PRPSAP1: variants seen among roughly 807,000 people sequenced by gnomAD.
PRPSAP1 encodes the protein phosphoribosyl pyrophosphate synthetase associated protein 1, also known as phosphoribosyl pyrophosphate synthase-associated protein 1.
In PRPSAP1, 31 loss-of-function variants were observed where a neutral mutation model predicts 39.4. The observed-to-expected ratio is 0.79, with a 90% CI of 0.59 to 1.06. PRPSAP1 has a LOEUF of 1.06. PRPSAP1 is among the 50% of genes least tolerant of loss of function. PRPSAP1 has a pLI of 0.00. For synonymous variants in PRPSAP1, 212 were observed against 192.6 expected, an observed-to-expected ratio of 1.10 and a Z score of -0.83; for missense variants, 430 against 511.6, an observed-to-expected ratio of 0.84 and a Z score of 1.54.
chr17:76,329,074 ATTTTT>A (rs147960025), intron 6 of PRPSAP1: 2 of 360,828 alleles, frequency 5.5e-6, no homozygotes, highest in Non-Finnish European at 9.5e-6. Flanking sequence ...GATTCTAGAC[ATTTTT>A]TTTTTTTTTT....
intron 7 of PRPSAP1, among the ~76,000 whole-genome samples, chr17:76,327,182 T>C (rs2143490221): frequency 1.3e-5 from 2 of 150,724 alleles, no homozygotes; most frequent in South Asian, 4.2e-4. Context: ...ACCCTGTCTC[T>C]ACTAAAAATA....
chr17:76,327,522 G>A (rs117234581), intron 7 of PRPSAP1, among the ~76,000 whole-genome samples: 3,676 of 151,742 alleles, frequency 0.024, 72 homozygotes, highest in South Asian at 0.06. Context: ...GCGTGTTGGC[G>A]CGCACCTATA....
intron 7 of PRPSAP1, among the ~76,000 whole-genome samples, chr17:76,319,658 G>T (rs546992734): frequency 2.0e-5 from 3 of 151,544 alleles, no homozygotes; most frequent in South Asian, 2.1e-4. Context: ...TAGTAGAGAC[G>T]GGGTTTCACC....
intron 3 of PRPSAP1, among the ~76,000 whole-genome samples, chr17:76,343,490 C>T (rs1352781367): frequency 4.6e-5 from 7 of 152,246 alleles, no homozygotes; most frequent in East Asian, 1.9e-4. Context: ...GCTGAGCTGA[C>T]GGACACTGGC....
chr17:76,328,186 CAAA>C (rs56020637), intron 7 of PRPSAP1, among the ~76,000 whole-genome samples: 10 of 108,778 alleles, frequency 9.2e-5, no homozygotes, highest in Admixed American at 9.2e-5. Context: ...GATCCTTTCT[CAAA>C]AAAAAAAAAA....
At chr17:76,319,669 G>T (rs6501885) in intron 7 of PRPSAP1, among the ~76,000 whole-genome samples, 6 of 151,562 alleles carry the variant, frequency 4.0e-5, no homozygotes, top group African/African-American at 7.3e-5. Flanking sequence ...GGGTTTCACC[G>T]TGTTGGCCAG....
At chr17:76,320,353 A>AAGAT (rs1555592801) in intron 7 of PRPSAP1, among the ~76,000 whole-genome samples, 1 of 118,544 alleles carries the variant, frequency 8.4e-6, no homozygotes, top group African/African-American at 3.9e-5. Flanking sequence ...GGAAGGAAGG[A>AAGAT]AGAAAAAGGA....
chr17:76,337,835 G>A (rs1397665341), intron 3 of PRPSAP1, among the ~76,000 whole-genome samples: 1 of 152,118 alleles, frequency 6.6e-6, no homozygotes, highest in Non-Finnish European at 1.5e-5. Flanking sequence ...TCAAACTCCT[G>A]ACCAACTGAT....
At chr17:76,350,895 G>C (rs910736871) in intron 1 of PRPSAP1, among the ~76,000 whole-genome samples, 1 of 152,064 alleles carries the variant, frequency 6.6e-6, no homozygotes, top group Admixed American at 6.6e-5. Flanking sequence ...AGCGGGGTGT[G>C]GTGGTGCAGC....
At chr17:76,352,730 G>C (rs1030963968) in intron 1 of PRPSAP1, among the ~76,000 whole-genome samples, 1 of 151,102 alleles carries the variant, frequency 6.6e-6, no homozygotes, top group African/African-American at 2.4e-5. Flanking sequence ...GCCACTATGA[G>C]CCCCTACTCT....
intron 3 of PRPSAP1, among the ~76,000 whole-genome samples, chr17:76,332,751 A>G (rs907862643): frequency 1.3e-5 from 2 of 152,192 alleles, no homozygotes; most frequent in African/African-American, 4.8e-5. Flanking sequence ...AGAGTTACCC[A>G]ACACCTGCTG....
chr17:76,346,166 T>G, intron 2 of PRPSAP1: 1 of 240,958 alleles, frequency 4.2e-6, no homozygotes. Context: ...CTATTTTTTA[T>G]CAAGTTTTAT....
At chr17:76,333,235 C>T (rs755472640) in intron 3 of PRPSAP1, among the ~76,000 whole-genome samples, 5 of 152,068 alleles carry the variant, frequency 3.3e-5, no homozygotes, top group African/African-American at 7.2e-5. Context: ...CTCATCCTCC[C>T]GAGTAACTGG....
In PRPSAP1 at chr17:76,353,774, C is replaced by T; in HGVS notation, c.-71G>A. On this transcript the variant is annotated 5_prime_UTR_variant, in exon 1 of 10. Coordinates refer to ENST00000446526, the MANE Select transcript of PRPSAP1 (RefSeq NM_002766.3). ...ACTCTGAGTGCTTCCGACTGCGAGACCCCGGTTTGGGTGGGGAAGGCGCTG... is the reference window on the plus strand; with the variant it reads ...ACTCTGAGTGCTTCCGACTGCGAGATCCCGGTTTGGGTGGGGAAGGCGCTG... 2.9e-6 allele frequency: 4 copies of T among 1,395,044 alleles called. No homozygotes were observed. The highest frequency in any genetic ancestry group is 3.7e-6 in the Non-Finnish European group (4 of 1,083,376). The allele number at this position is 1,395,044 out of a possible 1,614,324, so 86.4% of individuals were successfully genotyped here.
intron 7 of PRPSAP1, among the ~76,000 whole-genome samples, chr17:76,314,885 C>T (rs1402398082): frequency 6.6e-6 from 1 of 152,200 alleles, no homozygotes; most frequent in Non-Finnish European, 1.5e-5. Context: ...CCCACTCTCA[C>T]AGAGACTGAC....
chr17:76,333,670 CA>C (rs11380786), intron 3 of PRPSAP1, among the ~76,000 whole-genome samples: 2,018 of 150,310 alleles, frequency 0.013, 44 homozygotes, highest in African/African-American at 0.044. Flanking sequence ...ACAAAACAAA[CA>C]AAAAAAAACC....
intron 2 of PRPSAP1, among the ~76,000 whole-genome samples, chr17:76,345,045 C>A (rs1203140131): frequency 6.6e-6 from 1 of 151,798 alleles, no homozygotes; most frequent in Non-Finnish European, 1.5e-5. Flanking sequence ...ACCATCCTGG[C>A]TAACACAGTG....
rs2071062287 is a variant in PRPSAP1 at position 76,310,745 on chromosome 17, T to C, written c.*797A>G. The C allele has an allele frequency of 6.6e-6, 1 of 151,782 alleles. No individual in the cohort carries two copies. The highest frequency in any genetic ancestry group is 1.5e-5 in the Non-Finnish European group (1 of 67,982). 9.4% of individuals were successfully genotyped at this position (151,782 alleles called of 1,614,324 possible). A position where few individuals can be genotyped will look rare whatever the true frequency, so the allele number is the denominator to read the frequency against. On this transcript the variant is annotated 3_prime_UTR_variant, in exon 10 of 10. Coordinates refer to ENST00000446526, the MANE Select transcript of PRPSAP1 (RefSeq NM_002766.3). Reference sequence around the variant, plus strand: ...TCAGCCTCCCAAAGTACTCAGATTATAGGTGTGAGCCACCACACCTAGACT... The same window carrying C: ...TCAGCCTCCCAAAGTACTCAGATTACAGGTGTGAGCCACCACACCTAGACT...
intron 2 of PRPSAP1, 73 bp downstream of exon 2, chr17:76,348,456 G>C: frequency 2.0e-6 from 2 of 992,066 alleles, no homozygotes; most frequent in Non-Finnish European, 2.7e-6. Flanking sequence ...CTGGGCGACA[G>C]AGTGAGGCTC....
Sources: allele counts gnomAD v4.1 joint callset (sites outside exome capture counted in the v4.1 genomes callset), GRCh38; gene constraint gnomAD v4.1.1; transcripts MANE v1.5; gene names NCBI Gene and HGNC (gene_info 2026-07-23, HGNC 2026-07-21).